OLFM1: variants seen among roughly 807,000 people sequenced by gnomAD.
OLFM1 encodes olfactomedin 1, also known as noelin.
OLFM1 carries 9 observed loss-of-function variants against 49.7 expected under a neutral mutation model. The observed-to-expected ratio is 0.18, with a 90% CI of 0.11 to 0.32. The LOEUF is 0.32. Ranked by LOEUF, OLFM1 falls within the 10% of genes least tolerant of loss-of-function variation. The pLI is 1.00. For synonymous variants in OLFM1, 240 were observed against 271.8 expected (o/e 0.88, Z 1.15); for missense variants, 369 against 661.8 (o/e 0.56, Z 4.85).
chr9:135,077,501 G>A (rs1039826279), intron 1 of OLFM1: 15 of 365,162 alleles, frequency 4.1e-5, no homozygotes, highest in African/African-American at 1.8e-4. Context: ...CCATCCACAC[G>A]AAGGGTGCTG....
chr9:135,103,388 C>T (rs1280796755), intron 4 of OLFM1, among the ~76,000 whole-genome samples: 1 of 152,222 alleles, frequency 6.6e-6, no homozygotes, highest in Non-Finnish European at 1.5e-5. Flanking sequence ...TCAAGGAGGG[C>T]AGGTGGCCTC....
chr9:135,081,066 G>T (rs1183901199), intron 1 of OLFM1, among the ~76,000 whole-genome samples: 1 of 152,164 alleles, frequency 6.6e-6, no homozygotes, highest in Non-Finnish European at 1.5e-5. Flanking sequence ...CAGTGGCGAG[G>T]ACTGATACCG....
In OLFM1 at chr9:135,106,785, CT is replaced by C; in HGVS notation, c.714del (p.Val239SerfsTer12). On this transcript the variant is annotated frameshift_variant, in exon 5 of 6. Transcript: ENST00000371793. LOFTEE classifies it high-confidence loss of function. ...TTGACGGGCATCAGTGACCCCGTGA[CT>C]GTCAAGACCTCCGGCTCGAGGTTCG... ...GKLTGISDPV[T>X]VKTSGSRFGS... 6.2e-7 allele frequency: 1 copy of C among 1,613,738 alleles called. No individual in the cohort carries two copies.
intron 5 of OLFM1, among the ~76,000 whole-genome samples, chr9:135,110,247 G>C (rs1831003558): frequency 6.6e-6 from 1 of 152,130 alleles, no homozygotes; most frequent in South Asian, 2.1e-4. Flanking sequence ...CAGCTCGGAG[G>C]CTTCTGGCCT....
chr9:135,091,885 ACT>A (rs1212157446), intron 2 of OLFM1, among the ~76,000 whole-genome samples: 17 of 84,678 alleles, frequency 2.0e-4, no homozygotes, highest in African/African-American at 7.1e-4. Flanking sequence ...TCACACACAC[ACT>A]CACACATAGT....
At chr9:135,103,503 G>T (rs1208115172) in intron 4 of OLFM1, among the ~76,000 whole-genome samples, 1 of 152,204 alleles carries the variant, frequency 6.6e-6, no homozygotes, top group African/African-American at 2.4e-5. Context: ...GGATTTTAAG[G>T]CTCATTTCAA....
chr9:135,087,824 G>C lies in OLFM1; in HGVS notation c.-166G>C. Reference sequence around the variant, plus strand: ...GCCCGGGGAAGGCGCGGCGATGGCCGGGGCGCGCGGGGCGGCGGCGGCGGC... The same window carrying C: ...GCCCGGGGAAGGCGCGGCGATGGCCCGGGCGCGCGGGGCGGCGGCGGCGGC... On this transcript the variant is annotated 5_prime_UTR_variant, in exon 1 of 6. Transcript: ENST00000371793. 1.1e-6 allele frequency: 1 copy of C among 895,718 alleles called. No homozygotes were observed. Among genetic ancestry groups the C allele is most frequent in the Non-Finnish European group, 1.3e-6 (1 of 750,766 alleles). 55.5% of individuals were successfully genotyped at this position (895,718 alleles called of 1,614,324 possible).
intron 4 of OLFM1, among the ~76,000 whole-genome samples, chr9:135,102,153 G>A (rs530283853): frequency 1.4e-4 from 22 of 152,186 alleles, no homozygotes; most frequent in African/African-American, 3.4e-4. Context: ...GCAGGCCCCC[G>A]TCCCAGCTCG....
At chr9:135,076,020 G>C (rs766937626) in intron 1 of OLFM1, 1 of 1,445,082 alleles carries the variant, frequency 6.9e-7, no homozygotes, top group Non-Finnish European at 9.1e-7. Flanking sequence ...CTCCAGCCCC[G>C]GCTCAGCAGA....
At chr9:135,103,136 G>A (rs926500861) in intron 4 of OLFM1, among the ~76,000 whole-genome samples, 29 of 152,188 alleles carry the variant, frequency 1.9e-4, no homozygotes, top group Non-Finnish European at 5.9e-5. Context: ...GAGAGAGCCC[G>A]TTTGGGCCAT....
At chr9:135,112,541 T>A (rs1158029841) in intron 5 of OLFM1, among the ~76,000 whole-genome samples, 1 of 152,200 alleles carries the variant, frequency 6.6e-6, no homozygotes. Flanking sequence ...GGGCCCAGCC[T>A]TGGGGCTCTG....
intron 4 of OLFM1, among the ~76,000 whole-genome samples, chr9:135,099,269 T>G (rs565330189): frequency 6.6e-6 from 1 of 152,226 alleles, no homozygotes; most frequent in African/African-American, 2.4e-5. Flanking sequence ...TTGTTTTTTG[T>G]TTTTTGTTTA....
intron 5 of OLFM1, among the ~76,000 whole-genome samples, chr9:135,114,863 C>T (rs944679085): frequency 7.2e-5 from 11 of 152,264 alleles, no homozygotes; most frequent in Admixed American, 5.9e-4. Flanking sequence ...AATGAGGCAG[C>T]GGGAACCAGG....
chr9:135,114,517 T>A (rs568976979), intron 5 of OLFM1, among the ~76,000 whole-genome samples: 20 of 151,940 alleles, frequency 1.3e-4, no homozygotes, highest in Non-Finnish European at 2.6e-4. Context: ...TTCAGTCTAC[T>A]ATAAGAGTGG....
At chr9:135,085,534 C>T (rs1288135780), upstream of OLFM1, among the ~76,000 whole-genome samples, 1 of 152,266 alleles carries the variant, frequency 6.6e-6, no homozygotes, top group Non-Finnish European at 1.5e-5. Flanking sequence ...GATTGGGTGC[C>T]AGGCATGGCA....
intron 5 of OLFM1, among the ~76,000 whole-genome samples, chr9:135,114,268 G>A (rs929303803): frequency 2.0e-5 from 3 of 150,732 alleles, no homozygotes; most frequent in East Asian, 2.0e-4. Flanking sequence ...TTACAGGCAC[G>A]TGCCACCATG....
Position 135,087,948 on chromosome 9 carries a change from G to T in OLFM1, c.-42G>T. The stretch of plus-strand genomic sequence containing the variant: ...TGAAGGCCGCCTGGGCGCGGGAGCC[G>T]GTGCCAGCTCGGAGCGGGCGCTGGA... On this transcript the variant is annotated 5_prime_UTR_variant, in exon 1 of 6. Coordinates refer to ENST00000371793, the MANE Select transcript of OLFM1 (RefSeq NM_001282611.2). 1 of 1,371,420 alleles carries T rather than the reference G, an allele frequency of 7.3e-7. No individual in the cohort carries two copies. The allele number at this position is 1,371,420 out of a possible 1,614,324, so 85.0% of individuals were successfully genotyped here.
chr9:135,081,353 G>A (rs886407394), intron 1 of OLFM1, among the ~76,000 whole-genome samples: 16 of 152,212 alleles, frequency 1.1e-4, no homozygotes, highest in African/African-American at 3.6e-4. Flanking sequence ...TGCTGCTGCC[G>A]GGTCGCCGAC....
chr9:135,115,140 G>A (rs549116790), intron 5 of OLFM1, among the ~76,000 whole-genome samples: 2 of 152,342 alleles, frequency 1.3e-5, no homozygotes, highest in Non-Finnish European at 2.9e-5. Context: ...GTACTTCTTT[G>A]TAATTCAGCC....
Sources: allele counts gnomAD v4.1 joint callset (sites outside exome capture counted in the v4.1 genomes callset), GRCh38; gene constraint gnomAD v4.1.1; transcripts MANE v1.5; gene names NCBI Gene and HGNC (gene_info 2026-07-23, HGNC 2026-07-21).